PLXNA4: variants seen among roughly 807,000 people sequenced by gnomAD.
PLXNA4 encodes the protein plexin-A4.
Under a neutral mutation model 191.8 loss-of-function variants are expected in PLXNA4, and 44 were observed. That is an observed-to-expected ratio of 0.23 (90% CI 0.18 to 0.29). The LOEUF (loss-of-function observed/expected upper bound fraction) is 0.29. Ranked by LOEUF, PLXNA4 falls within the 10% of genes least tolerant of loss-of-function variation. The probability of loss-of-function intolerance (pLI) is 1.00; values close to 1 mark genes in which losing one functional copy is unlikely to be tolerated. For missense variants in PLXNA4, 1,800 were observed against 2,488.8 expected, an observed-to-expected ratio of 0.72 and a Z score of 5.89; for synonymous variants, 1,082 against 1,009.5, an observed-to-expected ratio of 1.07 and a Z score of -1.36.
At chr7:132,228,045 A>T (rs1375303507) in intron 6 of PLXNA4, among the ~76,000 whole-genome samples, 1 of 152,116 alleles carries the variant, frequency 6.6e-6, no homozygotes, top group Non-Finnish European at 1.5e-5. Context: ...ATAGTTGAAG[A>T]TATCATTCCC....
chr7:132,614,823 G>A (rs989693717), intron 2 of PLXNA4, among the ~76,000 whole-genome samples: 7 of 152,172 alleles, frequency 4.6e-5, no homozygotes, highest in African/African-American at 9.7e-5. Context: ...GAACTGAGCC[G>A]CGGAGAAAAG....
At chr7:132,561,649 CTTCCTCCTTTTCCTCATCCTCCTCCTT>C (rs1801092524) in intron 1 of PLXNA4, among the ~76,000 whole-genome samples, 4 of 136,516 alleles carry the variant, frequency 2.9e-5, no homozygotes, top group Middle Eastern at 4.3e-3. Flanking sequence ...TTCTCCTCCT[CTTCCTCCTTTTCCTCATCCTCCTCCTT>C]CTCCTCCTCC....
At chr7:132,572,707 G>A (rs1165076797) in intron 1 of PLXNA4, among the ~76,000 whole-genome samples, 1 of 152,196 alleles carries the variant, frequency 6.6e-6, no homozygotes, top group Non-Finnish European at 1.5e-5. Context: ...GAATGGTACA[G>A]CCTGGGCAGT....
chr7:132,426,668 C>G (rs1337109248), intron 3 of PLXNA4, among the ~76,000 whole-genome samples: 2 of 152,124 alleles, frequency 1.3e-5, no homozygotes, highest in African/African-American at 4.8e-5. Context: ...AAATTACAGA[C>G]AGTTTCAAAA....
intron 3 of PLXNA4, among the ~76,000 whole-genome samples, chr7:132,370,000 A>G (rs1448934432): frequency 6.6e-6 from 1 of 151,148 alleles, no homozygotes; most frequent in Non-Finnish European, 1.5e-5. Flanking sequence ...CCTGGGAGGC[A>G]GAGATTGCAG....
At chr7:132,480,849 G>A (rs1797306101) in intron 3 of PLXNA4, among the ~76,000 whole-genome samples, 1 of 152,186 alleles carries the variant, frequency 6.6e-6, no homozygotes, top group African/African-American at 2.4e-5. Flanking sequence ...CAGCCATGGA[G>A]GCAGGAGTCC....
chr7:132,513,895 T>G (rs182211213), intron 1 of PLXNA4, among the ~76,000 whole-genome samples: 25 of 151,996 alleles, frequency 1.6e-4, no homozygotes, highest in Non-Finnish European at 3.4e-4. Flanking sequence ...AGGCTAGTCT[T>G]GAAGTCCTGA....
intron 2 of PLXNA4, among the ~76,000 whole-genome samples, chr7:132,582,947 T>C (rs1405340027): frequency 6.6e-6 from 1 of 152,118 alleles, no homozygotes; most frequent in Non-Finnish European, 1.5e-5. Flanking sequence ...TGCCAGTCAC[T>C]CCCTTCAGAG....
chr7:132,271,431 GAAAAAAA>G (rs5887561), intron 4 of PLXNA4, among the ~76,000 whole-genome samples: 1 of 128,502 alleles, frequency 7.8e-6, no homozygotes, highest in Admixed American at 7.9e-5. Context: ...AGTCACTTAG[GAAAAAAA>G]AAAAAAAAAG....
intron 3 of PLXNA4, among the ~76,000 whole-genome samples, chr7:132,330,687 G>A (rs1392214690): frequency 2.0e-5 from 3 of 152,306 alleles, no homozygotes; most frequent in Non-Finnish European, 4.4e-5. Flanking sequence ...GTCAATGGCT[G>A]AGTGTCCCAG....
chr7:132,212,623 T>C (rs1370578782), intron 9 of PLXNA4, among the ~76,000 whole-genome samples: 1 of 152,098 alleles, frequency 6.6e-6, no homozygotes, highest in Non-Finnish European at 1.5e-5. Context: ...GTTCTCTCCA[T>C]CCTTTCTGAT....
intron 3 of PLXNA4, among the ~76,000 whole-genome samples, chr7:132,325,817 C>G (rs1336940333): frequency 1.3e-5 from 2 of 152,154 alleles, no homozygotes; most frequent in African/African-American, 4.8e-5. Flanking sequence ...CACGTAAGCC[C>G]AGTGGGTCAC....
intron 4 of PLXNA4, among the ~76,000 whole-genome samples, chr7:132,246,707 A>G (rs1393403428): frequency 6.6e-6 from 1 of 152,000 alleles, no homozygotes; most frequent in Non-Finnish European, 1.5e-5. Flanking sequence ...AAATAATATA[A>G]TGTAGTTTGG....
intron 3 of PLXNA4, among the ~76,000 whole-genome samples, chr7:132,322,730 T>C (rs1802221978): frequency 6.6e-6 from 1 of 152,206 alleles, no homozygotes; most frequent in Non-Finnish European, 1.5e-5. Context: ...TCCCGTGCTG[T>C]ATGTATTTTT....
chr7:132,647,706 C>T lies in PLXNA4; in HGVS notation c.-203+808G>A, dbSNP rs565729794. Among the ~76,000 whole-genome samples, 6 of 151,916 alleles carry T rather than the reference C, an allele frequency of 3.9e-5. No homozygotes were observed. The East Asian group carries it at 1.2e-3, about 29-fold the overall frequency. ...ACTCACATACACACTCACAAACACA[C>T]ACAGTCACAATATACTCACATACAT... is the stretch of plus-strand genomic sequence containing the variant. On this transcript the variant is annotated intron_variant, in intron 1 of 4. Coordinates refer to the PLXNA4 transcript ENST00000378539.
chr7:132,365,366 C>CGTGCGCGT (rs1308957746), intron 3 of PLXNA4, among the ~76,000 whole-genome samples: 6 of 124,410 alleles, frequency 4.8e-5, no homozygotes, highest in Admixed American at 4.0e-4. Flanking sequence ...TGTGTGCGTG[C>CGTGCGCGT]GCGCGCATGC....
intron 4 of PLXNA4, among the ~76,000 whole-genome samples, chr7:132,284,900 A>G (rs1277669931): frequency 6.6e-6 from 1 of 152,084 alleles, no homozygotes; most frequent in Non-Finnish European, 1.5e-5. Flanking sequence ...TTTTTAGTAG[A>G]GATGGAGTTT....
chr7:132,463,901 A>G (rs536025691), intron 3 of PLXNA4, among the ~76,000 whole-genome samples: 4 of 152,306 alleles, frequency 2.6e-5, no homozygotes, highest in Admixed American at 6.5e-5. Flanking sequence ...TTCATAAACT[A>G]GCCACAGAGC....
At chr7:132,376,217 C>G (rs556467262) in intron 3 of PLXNA4, among the ~76,000 whole-genome samples, 1 of 152,124 alleles carries the variant, frequency 6.6e-6, no homozygotes. Flanking sequence ...CAGCATTGGC[C>G]GAGGGACTGT....
Sources: gnomAD v4.1 joint callset for allele counts (sites outside exome capture counted in the v4.1 genomes callset) on GRCh38, gnomAD v4.1.1 for gene constraint, MANE v1.5 for transcripts, NCBI Gene and HGNC (gene_info 2026-07-23, HGNC 2026-07-21) for gene names.